The following MGMT variants were observed in gnomAD, a reference collection of about 807,000 sequenced individuals.
MGMT encodes methylated-DNA--protein-cysteine methyltransferase.
MGMT carries 14 observed loss-of-function variants against 15.9 expected under a neutral mutation model. The observed-to-expected ratio is 0.88, with a 90% CI of 0.58 to 1.37. The LOEUF is 1.37. Among genes scored for constraint, MGMT ranks in the 40% most tolerant of loss-of-function variants. The pLI is 0.00. For missense variants in MGMT, 282 were observed against 268.1 expected, an observed-to-expected ratio of 1.05 and a Z score of -0.36; for synonymous variants, 130 against 118.2, an observed-to-expected ratio of 1.10 and a Z score of -0.65.
intron 3 of MGMT, among the ~76,000 whole-genome samples, chr10:129,744,547 C>T (rs1011913905): frequency 6.6e-6 from 1 of 152,274 alleles, no homozygotes; most frequent in South Asian, 2.1e-4. Flanking sequence ...CACCTTCCCC[C>T]TGCTGTGAAC....
intron 2 of MGMT, among the ~76,000 whole-genome samples, chr10:129,599,617 C>T (rs1336009307): frequency 6.6e-6 from 1 of 152,136 alleles, no homozygotes; most frequent in African/African-American, 2.4e-5. Context: ...TGGTAATAAG[C>T]GTCCTTCCCA....
chr10:129,694,984 G>C (rs766470804), intron 2 of MGMT, among the ~76,000 whole-genome samples: 1 of 152,192 alleles, frequency 6.6e-6, no homozygotes, highest in Non-Finnish European at 1.5e-5. Flanking sequence ...GTGAGTTTCA[G>C]ATTTTTTTCT....
At position 129,720,410 on chromosome 10, in the gene MGMT, C is replaced by T. The variant is rs529382656; in HGVS notation, c.274+12367C>T. Among the ~76,000 whole-genome samples, 14 of 152,320 alleles carry T rather than the reference C, an allele frequency of 9.2e-5. No individual in the cohort carries two copies. In the South Asian group the frequency reaches 2.5e-3, roughly 27 times the overall value. ...CCCTCCTGGCTCAGCACAGCCCTCG[C>T]GGCCTTGGGGGCCCACAGGGTCACT... On this transcript the variant is annotated intron_variant, in intron 3 of 4. Coordinates refer to ENST00000651593, the MANE Select transcript of MGMT (RefSeq NM_002412.5).
At chr10:129,482,370 G>A (rs1771432) in intron 1 of MGMT, among the ~76,000 whole-genome samples, 114,047 of 152,036 alleles carry the variant, frequency 0.75, 42,904 homozygotes, top group Middle Eastern at 0.8. Context: ...TGTTTGAAAA[G>A]TGTATACTCT....
intron 2 of MGMT, among the ~76,000 whole-genome samples, chr10:129,593,307 C>T (rs1846711392): frequency 6.6e-6 from 1 of 152,200 alleles, no homozygotes; most frequent in African/African-American, 2.4e-5. Context: ...GGCTCGGAAG[C>T]CTCCCCTTAG....
intron 1 of MGMT, among the ~76,000 whole-genome samples, chr10:129,468,632 C>G (rs1210009214): frequency 1.3e-5 from 2 of 151,968 alleles, no homozygotes; most frequent in East Asian, 1.9e-4. Flanking sequence ...CGCCTGTAAT[C>G]TCAGCACTTT....
chr10:129,767,595 T>C lies in MGMT; in HGVS notation c.*598T>C, dbSNP rs1162466372. On this transcript the variant is annotated 3_prime_UTR_variant, in exon 5 of 5. Coordinates refer to ENST00000651593, the MANE Select transcript of MGMT (RefSeq NM_002412.5). ...CCACTTATGGTCTGTATCAGGTGAA[T>C]AGAAAATAACCATTTGCCAAGATTT... The C allele has an allele frequency of 1.3e-5, 2 of 152,286 alleles. No individual in the cohort carries two copies. The highest frequency in any genetic ancestry group is 2.4e-5 in the African/African-American group (1 of 41,472). 9.4% of individuals were successfully genotyped at this position (152,286 alleles called of 1,614,324 possible).
At chr10:129,515,734 C>T (rs544914622) in intron 1 of MGMT, among the ~76,000 whole-genome samples, 16 of 152,240 alleles carry the variant, frequency 1.1e-4, no homozygotes, top group Admixed American at 2.0e-4. Context: ...AGAAAGCTAG[C>T]GTGGCCTGCA....
intron 1 of MGMT, among the ~76,000 whole-genome samples, chr10:129,508,060 T>G (rs1845643183): frequency 6.6e-6 from 1 of 152,148 alleles, no homozygotes; most frequent in Non-Finnish European, 1.5e-5. Flanking sequence ...TCTCACCAAG[T>G]TAGTTTTCTG....
chr10:129,586,558 G>A (rs140212664), intron 2 of MGMT, among the ~76,000 whole-genome samples: 60 of 152,320 alleles, frequency 3.9e-4, no homozygotes, highest in African/African-American at 1.3e-3. Flanking sequence ...GTTGTTGCAT[G>A]TGTCAGCGGT....
chr10:129,647,181 G>A (rs940685868), intron 2 of MGMT, among the ~76,000 whole-genome samples: 6 of 152,114 alleles, frequency 3.9e-5, no homozygotes, highest in East Asian at 1.9e-4. Context: ...CCTGCTCTGC[G>A]GAGGCGCCTG....
At chr10:129,732,825 G>C (rs922212786) in intron 3 of MGMT, among the ~76,000 whole-genome samples, 1 of 144,044 alleles carries the variant, frequency 6.9e-6, no homozygotes, top group African/African-American at 2.6e-5. Flanking sequence ...TTTTGTTCTT[G>C]CGATAGTTTA....
At chr10:129,631,970 G>A (rs927129924) in intron 2 of MGMT, among the ~76,000 whole-genome samples, 1 of 152,196 alleles carries the variant, frequency 6.6e-6, no homozygotes, top group African/African-American at 2.4e-5. Flanking sequence ...CTCCTGGGCT[G>A]TAGCAGTCCT....
intron 2 of MGMT, among the ~76,000 whole-genome samples, chr10:129,604,209 G>A (rs1352786302): frequency 1.3e-5 from 2 of 152,162 alleles, no homozygotes; most frequent in South Asian, 2.1e-4. Context: ...TCATCTGAAG[G>A]GGCTGCCGGG....
At position 129,498,671 on chromosome 10, in the gene MGMT, C is replaced by T. The variant is rs138472221; in HGVS notation, c.-13+31375C>T. Reference sequence around the variant, plus strand: ...TCCTATGTCTTTTGGACCTGCCCATCGTTTTTCTAGCGCTTTCCTACTTTC... The same window carrying T: ...TCCTATGTCTTTTGGACCTGCCCATTGTTTTTCTAGCGCTTTCCTACTTTC... On this transcript the variant is annotated intron_variant, in intron 1 of 4. Coordinates refer to ENST00000651593, the MANE Select transcript of MGMT (RefSeq NM_002412.5). Among the ~76,000 whole-genome samples, 221 of 152,278 alleles carry T rather than the reference C, an allele frequency of 1.5e-3. 1 individual carries two copies. Among genetic ancestry groups the T allele is most frequent in the African/African-American group, 4.5e-3 (186 of 41,558 alleles).
intron 3 of MGMT, among the ~76,000 whole-genome samples, chr10:129,725,709 T>G (rs1410119144): frequency 6.6e-6 from 1 of 152,228 alleles, no homozygotes; most frequent in African/African-American, 2.4e-5. Flanking sequence ...ATGCCCAGAT[T>G]GGAGCAGCAC....
intron 1 of MGMT, among the ~76,000 whole-genome samples, chr10:129,505,574 T>C (rs1313844847): frequency 6.6e-6 from 1 of 152,210 alleles, no homozygotes; most frequent in Admixed American, 6.5e-5. Flanking sequence ...GGTCTTTTCC[T>C]TCTTTAAAAA....
intron 4 of MGMT, among the ~76,000 whole-genome samples, chr10:129,766,259 G>A (rs568287656): frequency 2.0e-5 from 3 of 152,302 alleles, no homozygotes; most frequent in South Asian, 2.1e-4. Context: ...GCATGGCTGC[G>A]TTCCAGTAAA....
intron 2 of MGMT, among the ~76,000 whole-genome samples, chr10:129,706,112 G>A (rs538253797): frequency 2.6e-5 from 4 of 152,300 alleles, no homozygotes; most frequent in East Asian, 1.9e-4. Context: ...ACTGTGGGCC[G>A]CACTCATAGG....
Sources: allele counts gnomAD v4.1 joint callset (sites outside exome capture counted in the v4.1 genomes callset), GRCh38; gene constraint gnomAD v4.1.1; transcripts MANE v1.5; gene names NCBI Gene and HGNC (gene_info 2026-07-23, HGNC 2026-07-21).